TLN2: variants seen among roughly 807,000 people sequenced by gnomAD.
The protein encoded by TLN2 is talin 2.
TLN2 carries 118 observed loss-of-function variants against 294.7 expected under a neutral mutation model. The ratio of observed to expected loss-of-function variants is 0.40; its 90% CI spans 0.34 to 0.47. TLN2 has a LOEUF of 0.47. Among genes scored for constraint, TLN2 ranks in the 20% least tolerant of loss-of-function variants. The pLI is 0.84. For missense variants in TLN2, 3,083 were observed against 3,282.2 expected, an observed-to-expected ratio of 0.94 and a Z score of 1.48; for synonymous variants, 1,431 against 1,304.5, an observed-to-expected ratio of 1.10 and a Z score of -2.09.
At chr15:62,563,202 A>C (rs963287939) in intron 1 of TLN2, among the ~76,000 whole-genome samples, 3 of 152,082 alleles carry the variant, frequency 2.0e-5, no homozygotes, top group African/African-American at 7.2e-5. Flanking sequence ...ACTAGTTTAC[A>C]TTCCCACCAG....
chr15:62,754,134 G>A (rs2062090986), intron 36 of TLN2: 8 of 534,936 alleles, frequency 1.5e-5, no homozygotes, highest in South Asian at 7.1e-5. Context: ...GTGCCAGAAG[G>A]CAAAAGGAGT....
intron 1 of TLN2, among the ~76,000 whole-genome samples, chr15:62,451,185 A>G (rs1244363681): frequency 1.3e-5 from 2 of 152,182 alleles, no homozygotes; most frequent in Non-Finnish European, 2.9e-5. Context: ...AGGAGGGACC[A>G]GGGCACACTG....
At chr15:62,589,025 G>A (rs1438206579) in intron 1 of TLN2, among the ~76,000 whole-genome samples, 2 of 151,922 alleles carry the variant, frequency 1.3e-5, no homozygotes, top group Admixed American at 1.3e-4. Flanking sequence ...TTGATTGCAC[G>A]TACTTGGGAC....
intron 45 of TLN2, chr15:62,784,724 G>A (rs958832916): frequency 2.6e-5 from 4 of 152,214 alleles, no homozygotes; most frequent in African/African-American, 7.2e-5. Context: ...TAATGGAGTG[G>A]ATTACAGGGA....
intron 1 of TLN2, among the ~76,000 whole-genome samples, chr15:62,570,202 GC>G (rs1319454334): frequency 2.0e-5 from 3 of 152,182 alleles, no homozygotes; most frequent in Non-Finnish European, 4.4e-5. Context: ...TTAGGGATTG[GC>G]CTTTCTGGAC....
chr15:62,514,128 A>G (rs1348354220), intron 1 of TLN2, among the ~76,000 whole-genome samples: 1 of 152,134 alleles, frequency 6.6e-6, no homozygotes, highest in East Asian at 1.9e-4. Flanking sequence ...TTTGGTCACC[A>G]GTTGCTTGTT....
chr15:62,753,655 A>T (rs1275890358), intron 35 of TLN2, 118 bp from the exon 36 acceptor site: 5 of 1,270,118 alleles, frequency 3.9e-6, no homozygotes, highest in Non-Finnish European at 5.3e-6. Context: ...GACCTTGACC[A>T]GTTTGAACTG....
intron 1 of TLN2, among the ~76,000 whole-genome samples, chr15:62,437,149 C>T (rs956358577): frequency 2.0e-5 from 3 of 152,214 alleles, no homozygotes; most frequent in Non-Finnish European, 4.4e-5. Flanking sequence ...TTTGTTTCAT[C>T]TCTCATTGAT....
At chr15:62,767,674 G>A (rs1051919170) in intron 41 of TLN2, among the ~76,000 whole-genome samples, 1 of 152,142 alleles carries the variant, frequency 6.6e-6, no homozygotes, top group Non-Finnish European at 1.5e-5. Flanking sequence ...TTCTTTATAC[G>A]GCAATTAGAA....
Position 62,762,600 on chromosome 15 carries a change from A to T in TLN2, c.4961+147A>T, listed in dbSNP as rs1171088483. 3.5e-6 allele frequency: 3 copies of T among 867,368 alleles called. No homozygotes were observed. The East Asian group carries it at 7.8e-5, about 23-fold the overall frequency. The allele number at this position is 867,368 out of a possible 1,614,324, so 53.7% of individuals were successfully genotyped here. ...CTTTGGGGCCGGAAGCACTGGTCAC[A>T]ATAGTAATTGCTAACTTAAGTACTT... is the stretch of plus-strand genomic sequence containing the variant. On this transcript the variant is annotated intron_variant, in intron 39 of 58. Transcript: ENST00000636159.
chr15:62,689,324 AT>A (rs970895235), intron 12 of TLN2, among the ~76,000 whole-genome samples: 2 of 151,994 alleles, frequency 1.3e-5, no homozygotes, highest in Non-Finnish European at 2.9e-5. Context: ...TTATTTAAAT[AT>A]TTTTTCAGTA....
chr15:62,755,414 C>T, intron 36 of TLN2, 118 bp from the exon 37 acceptor site: 1 of 1,285,444 alleles, frequency 7.8e-7, no homozygotes. Flanking sequence ...ACTAGACATG[C>T]TTGTAATTAC....
At chr15:62,596,343 A>G (rs1210299376) in intron 2 of TLN2, among the ~76,000 whole-genome samples, 1 of 152,108 alleles carries the variant, frequency 6.6e-6, no homozygotes, top group Non-Finnish European at 1.5e-5. Context: ...AAATACGTTA[A>G]CATATGTTAA....
At chr15:62,427,727 C>T (rs1354040766) in intron 1 of TLN2, among the ~76,000 whole-genome samples, 1 of 152,160 alleles carries the variant, frequency 6.6e-6, no homozygotes, top group Non-Finnish European at 1.5e-5. Flanking sequence ...AGTTTCTGCT[C>T]CCTGGCCATG....
chr15:62,533,528 A>C (rs957788449), intron 1 of TLN2, among the ~76,000 whole-genome samples: 1 of 152,168 alleles, frequency 6.6e-6, no homozygotes, highest in Admixed American at 6.6e-5. Flanking sequence ...ATAATAATAG[A>C]TAAGCACATC....
In TLN2 at chr15:62,662,032, C is replaced by G. The variant is rs551490964; in HGVS notation, c.788+4134C>G. 2.6e-4 allele frequency among the ~76,000 whole-genome samples: 40 copies of G among 151,904 alleles called. 3 individuals are homozygous for G. Among genetic ancestry groups the G allele is most frequent in the African/African-American group, 7.0e-4 (29 of 41,454 alleles). On this transcript the variant is annotated intron_variant, in intron 9 of 58. Coordinates refer to ENST00000636159, the MANE Select transcript of TLN2 (RefSeq NM_015059.3). ...TAGTAAAGTAATTTAACATACTTCC[C>G]TCAGTGAATGATTAGTAGAACAAGA...
intron 3 of TLN2, among the ~76,000 whole-genome samples, chr15:62,618,806 C>G (rs2048525297): frequency 6.6e-6 from 1 of 152,196 alleles, no homozygotes; most frequent in Non-Finnish European, 1.5e-5. Flanking sequence ...AAATATTGTA[C>G]TGGAGATGTT....
intron 36 of TLN2, chr15:62,755,244 G>C: frequency 3.3e-6 from 1 of 307,356 alleles, no homozygotes; most frequent in Non-Finnish European, 6.0e-6. Context: ...TCCTATCTGG[G>C]GTTCCAAAGG....
intron 45 of TLN2, among the ~76,000 whole-genome samples, chr15:62,790,812 A>G (rs2065021535): frequency 6.6e-6 from 1 of 152,248 alleles, no homozygotes; most frequent in Non-Finnish European, 1.5e-5. Flanking sequence ...TTTAAATGAC[A>G]TGACATCTGT....
Sources: gnomAD v4.1 joint callset for allele counts (sites outside exome capture counted in the v4.1 genomes callset) on GRCh38, gnomAD v4.1.1 for gene constraint, MANE v1.5 for transcripts, NCBI Gene and HGNC (gene_info 2026-07-23, HGNC 2026-07-21) for gene names.